The following RANBP2 variants were observed in gnomAD, a reference collection of about 807,000 sequenced individuals.
RANBP2 encodes the protein E3 SUMO-protein ligase RanBP2.
A neutral mutation model predicts 303.6 loss-of-function variants in RANBP2; 57 were observed. The observed-to-expected ratio is 0.19, with a 90% CI of 0.15 to 0.23. RANBP2 has a LOEUF of 0.23. Among genes scored for constraint, RANBP2 ranks in the 10% least tolerant of loss-of-function variants. The pLI is 1.00. For missense variants in RANBP2, 3,138 were observed against 3,780.8 expected, an observed-to-expected ratio of 0.83 and a Z score of 4.46; for synonymous variants, 1,167 against 1,301.5, an observed-to-expected ratio of 0.90 and a Z score of 2.23.
At chr2:109,715,166 C>T in the RANBP2 span, among the ~76,000 whole-genome samples, 1 of 151,952 alleles carries the variant, frequency 6.6e-6, no homozygotes, top group African/African-American at 2.4e-5. Flanking sequence ...GGGGTTTCAC[C>T]ATGTTTGTCA....
chr2:109,595,265 G>A, the RANBP2 span, among the ~76,000 whole-genome samples: 40 of 152,164 alleles, frequency 2.6e-4, no homozygotes, highest in African/African-American at 9.4e-4. Context: ...TTAAAAGCAC[G>A]CAAAAGCTCA....
chr2:108,876,026 T>C, the RANBP2 span: 12 of 1,035,338 alleles, frequency 1.2e-5, no homozygotes, highest in Non-Finnish European at 1.7e-5. Flanking sequence ...TATCTGTCAG[T>C]GTCATTGCAG....
the RANBP2 span, among the ~76,000 whole-genome samples, chr2:109,365,181 C>A: frequency 6.6e-6 from 1 of 152,200 alleles, no homozygotes; most frequent in Admixed American, 6.5e-5. Context: ...CTCTTCCCCT[C>A]CCCCTGCCAG....
chr2:108,840,138 T>C, the RANBP2 span, among the ~76,000 whole-genome samples: 2 of 152,168 alleles, frequency 1.3e-5, no homozygotes, highest in South Asian at 4.1e-4. Flanking sequence ...TTTAACTTGT[T>C]AATATGAATT....
chr2:109,360,288 G>A, the RANBP2 span, among the ~76,000 whole-genome samples: 6 of 152,106 alleles, frequency 3.9e-5, no homozygotes, highest in Non-Finnish European at 7.4e-5. Context: ...GTGAATAATT[G>A]TAAGAAAATG....
At chr2:109,266,028 A>G in the RANBP2 span, among the ~76,000 whole-genome samples, 2 of 151,370 alleles carry the variant, frequency 1.3e-5, no homozygotes, top group African/African-American at 4.9e-5. Context: ...TTGTGTATAT[A>G]TGTGTATTCG....
chr2:108,749,096 C>G lies in RANBP2; in HGVS notation c.1240C>G (p.Pro414Ala). 6.2e-7 allele frequency: 1 copy of G among 1,611,866 alleles called. No individual in the cohort carries two copies. The highest frequency in any genetic ancestry group is 8.5e-7 in the Non-Finnish European group (1 of 1,179,838). ...TATTGGAAACATTGATGTACGAGAA[C>G]CAGAGCTTGAAGATTTGACTAGATA... The part of the protein sequence containing the change: ...DDIGNIDVRE[P>A]ELEDLTRYDV... Residue 414 changes from proline (P) to alanine (A), a missense_variant, in exon 9 of 29, where the codon CCA becomes GCA. By Grantham distance (27) the Pro-to-Ala change is conservative (BLOSUM62 -1). Coordinates refer to ENST00000283195, the MANE Select transcript of RANBP2 (RefSeq NM_006267.5).
At chr2:108,745,137 T>C (rs1181826918) in intron 7 of RANBP2, among the ~76,000 whole-genome samples, 1 of 151,284 alleles carries the variant, frequency 6.6e-6, no homozygotes, top group Non-Finnish European at 1.5e-5. Context: ...TTTTTAATGC[T>C]ACTTCAAGTA....
the RANBP2 span, among the ~76,000 whole-genome samples, chr2:108,958,105 C>G: frequency 6.6e-6 from 1 of 152,110 alleles, no homozygotes; most frequent in African/African-American, 2.4e-5. Context: ...ACTAAACGAA[C>G]GCACACACCC....
the RANBP2 span, among the ~76,000 whole-genome samples, chr2:109,123,333 T>A: frequency 8.1e-6 from 1 of 123,928 alleles, no homozygotes; most frequent in Non-Finnish European, 1.7e-5. Context: ...CTTCCTTCCT[T>A]CCTTCCTTCC....
the RANBP2 span, among the ~76,000 whole-genome samples, chr2:109,411,205 G>A: frequency 2.3e-4 from 35 of 152,326 alleles, no homozygotes; most frequent in South Asian, 2.1e-3. Flanking sequence ...GGCGCCATTG[G>A]TTGGGGGCTG....
At chr2:108,963,754 G>A in the RANBP2 span, among the ~76,000 whole-genome samples, 1 of 152,234 alleles carries the variant, frequency 6.6e-6, no homozygotes, top group Admixed American at 6.5e-5. Context: ...TCACAGGACT[G>A]CCTGGCCTGG....
chr2:109,352,068 A>G, the RANBP2 span, among the ~76,000 whole-genome samples: 6 of 152,232 alleles, frequency 3.9e-5, no homozygotes, highest in Non-Finnish European at 5.9e-5. Flanking sequence ...TTAATAATGC[A>G]TGGTGACTCG....
At chr2:109,353,801 G>A in the RANBP2 span, among the ~76,000 whole-genome samples, 8 of 152,206 alleles carry the variant, frequency 5.3e-5, no homozygotes, top group African/African-American at 1.2e-4. Flanking sequence ...GCGTGTGTCC[G>A]TGTGCAGTGG....
At chr2:108,997,486 GA>G in the RANBP2 span, among the ~76,000 whole-genome samples, 1 of 137,182 alleles carries the variant, frequency 7.3e-6, no homozygotes, top group Admixed American at 7.4e-5. Flanking sequence ...TAAGGGTTTA[GA>G]AATGTCCAGA....
chr2:109,129,280 T>TA, the RANBP2 span: 2 of 645,658 alleles, frequency 3.1e-6, no homozygotes, highest in Non-Finnish European at 5.3e-6. Context: ...GGGACAGGTG[T>TA]AGCCCGCAGC....
the RANBP2 span, among the ~76,000 whole-genome samples, chr2:109,344,072 C>G: frequency 6.6e-6 from 1 of 152,150 alleles, no homozygotes; most frequent in Admixed American, 6.5e-5. Flanking sequence ...ACTTTCCCCC[C>G]TGTATCCCCA....
At chr2:109,096,179 T>C in the RANBP2 span, among the ~76,000 whole-genome samples, 6 of 152,322 alleles carry the variant, frequency 3.9e-5, no homozygotes, top group South Asian at 4.1e-4. Flanking sequence ...AAGTAATTGA[T>C]TAGGTTCCCT....
Position 108,729,174 on chromosome 2 carries a change from G to A in RANBP2, c.115G>A (p.Ala39Thr), listed in dbSNP as rs1035687684. 5 of 1,572,734 alleles carry A rather than the reference G, an allele frequency of 3.2e-6. No homozygotes were observed. Among genetic ancestry groups the A allele is most frequent in the Non-Finnish European group, 4.3e-6 (5 of 1,161,558 alleles). Residue 39 changes from alanine to threonine, a missense_variant, in exon 2 of 29, where the codon GCT becomes ACT. By Grantham distance (58) the Ala-to-Thr change is moderately conservative. Around this residue, in one of 20 missense-constraint regions of RANBP2, gnomAD observed 306 missense variants for 381.9 expected, o/e 0.80. Transcript: ENST00000283195. Reference protein sequence around the residue: ...GFYFAKLYYEAKEYDLAKKYI... With the variant: ...GFYFAKLYYETKEYDLAKKYI... The stretch of plus-strand genomic sequence containing the variant: ...CTATTTTGCAAAGCTGTATTATGAA[G>A]CTAAAGAATATGATCTTGCTAAAAA...
Sources: allele counts gnomAD v4.1 joint callset (sites outside exome capture counted in the v4.1 genomes callset), GRCh38; gene constraint gnomAD v4.1.1; regional missense constraint gnomAD v4.1.1; transcripts MANE v1.5; gene names NCBI Gene and HGNC (gene_info 2026-07-23, HGNC 2026-07-21).